TLN2: variants seen among roughly 807,000 people sequenced by gnomAD.
The protein encoded by TLN2 is talin-2.
Under a neutral mutation model 294.7 loss-of-function variants are expected in TLN2, and 118 were observed. The ratio of observed to expected loss-of-function variants is 0.40; its 90% confidence interval spans 0.34 to 0.47. The LOEUF (loss-of-function observed/expected upper bound fraction) is 0.47. Ranked by LOEUF, TLN2 falls within the 20% of genes least tolerant of loss-of-function variation. TLN2 has a pLI of 0.84. For synonymous variants in TLN2, 1,431 were observed against 1,304.5 expected (o/e 1.10, Z -2.09); for missense variants, 3,083 against 3,282.2 (o/e 0.94, Z 1.48).
At chr15:62,480,253 G>A (rs1184605130) in intron 1 of TLN2, among the ~76,000 whole-genome samples, 6 of 151,922 alleles carry the variant, frequency 3.9e-5, no homozygotes, top group East Asian at 1.9e-4. Flanking sequence ...TCACTCTGTC[G>A]CCCAGGCTGG....
Position 62,833,560 on chromosome 15 carries a change from T to A in TLN2, c.7059T>A (p.Ile2353=), listed in dbSNP as rs926462841. 1.2e-6 allele frequency: 2 copies of A among 1,614,156 alleles called. No homozygotes were observed. Among genetic ancestry groups the A allele is most frequent in the African/African-American group, 2.7e-5 (2 of 75,028 alleles). ...EEQILEAAKS[I]AAATSALVKS... is the part of the protein sequence containing the mutation. Reference sequence around the variant, plus strand: ...AGATCTTGGAAGCTGCTAAATCCATTGCTGCTGCCACAAGCGCCCTGGTCA... The same window carrying A: ...AGATCTTGGAAGCTGCTAAATCCATAGCTGCTGCCACAAGCGCCCTGGTCA... The change falls in exon 55 of 59, where the codon ATT becomes ATA. Residue 2353 remains isoleucine (I), a synonymous_variant. Coordinates refer to ENST00000636159, the MANE Select transcript of TLN2 (RefSeq NM_015059.3).
At chr15:62,545,393 AAG>A (rs1388778373) in intron 1 of TLN2, among the ~76,000 whole-genome samples, 2 of 152,190 alleles carry the variant, frequency 1.3e-5, no homozygotes, top group Non-Finnish European at 2.9e-5. Flanking sequence ...GAAAGAGGGA[AAG>A]AGAAAAAGGA....
intron 30 of TLN2, among the ~76,000 whole-genome samples, chr15:62,738,789 T>C (rs2140962627): frequency 6.6e-6 from 1 of 152,314 alleles, no homozygotes; most frequent in East Asian, 1.9e-4. Flanking sequence ...TGCACAGGTA[T>C]AGAGGCAATG....
chr15:62,641,443 C>T (rs192100146), intron 3 of TLN2, among the ~76,000 whole-genome samples: 1 of 151,806 alleles, frequency 6.6e-6, no homozygotes, highest in East Asian at 2.0e-4. Flanking sequence ...ATGGAGAAAC[C>T]CCATCTCTAC....
rs1391531273 is a variant in TLN2 at position 62,776,802 on chromosome 15, G to A, written c.5406G>A (p.Gln1802=). The stretch of plus-strand genomic sequence containing the variant: ...ATGACGCCATCACAGAGGCCGCCCA[G>A]TTGATGAAGGAAGCCGTGGATGACA... ...HTHDAITEAA[Q]LMKEAVDDIM... is the part of the protein sequence containing the mutation. The change falls in exon 43 of 59, where the codon CAG becomes CAA. Residue 1802 remains glutamine, a synonymous_variant. Coordinates refer to ENST00000636159, the MANE Select transcript of TLN2 (RefSeq NM_015059.3). The A allele has an allele frequency of 1.3e-6, 2 of 1,597,028 alleles. No individual in the cohort carries two copies. Among genetic ancestry groups the A allele is most frequent in the East Asian group, 4.6e-5 (2 of 43,518 alleles).
chr15:62,487,584 G>T (rs1278874856), intron 1 of TLN2, among the ~76,000 whole-genome samples: 1 of 152,096 alleles, frequency 6.6e-6, no homozygotes, highest in Non-Finnish European at 1.5e-5. Context: ...TATAATCCAA[G>T]CACTTTTGGT....
At chr15:62,664,201 A>G (rs923324383) in intron 9 of TLN2, among the ~76,000 whole-genome samples, 6 of 144,892 alleles carry the variant, frequency 4.1e-5, no homozygotes, top group Admixed American at 2.9e-4. Context: ...CTCCAAGATC[A>G]GATTAATATC....
In TLN2 at chr15:62,447,237, T is replaced by C. The variant is rs974830980; in HGVS notation, c.-238+56552T>C. On this transcript the variant is annotated intron_variant, in intron 1 of 58. Transcript: ENST00000636159. Reference sequence around the variant, plus strand: ...TGAATGCAACTTGGGAAGCTGGTATTAGTGCTAAGTGTGTTAGGAGTTTAA... The same window carrying C: ...TGAATGCAACTTGGGAAGCTGGTATCAGTGCTAAGTGTGTTAGGAGTTTAA... Among the ~76,000 whole-genome samples the C allele has an allele frequency of 1.1e-4, 16 of 152,256 alleles. No homozygotes were observed. The East Asian group carries it at 3.1e-3, about 29-fold the overall frequency.
chr15:62,491,351 TACACACACACACACACACACAC>T lies in TLN2; in HGVS notation c.-237-98312_-237-98291del, dbSNP rs1166046640. ...CAAAAAAAAAAAATATATATATATA[TACACACACACACACACACACAC>T]ACACACACACACACACACACACATT... On this transcript the variant is annotated intron_variant, in intron 1 of 58. Coordinates refer to ENST00000636159, the MANE Select transcript of TLN2 (RefSeq NM_015059.3). Among the ~76,000 whole-genome samples, 179 of 100,304 alleles carry T rather than the reference TACACACACACACACACACACAC, an allele frequency of 1.8e-3. 2 individuals carry two copies. Among genetic ancestry groups the T allele is most frequent in the African/African-American group, 7.2e-3 (163 of 22,736 alleles). 65.8% of individuals were successfully genotyped at this position (100,304 alleles called of 152,430 possible). A position where few individuals can be genotyped will look rare whatever the true frequency, so the allele number is the denominator to read the frequency against.
intron 5 of TLN2, 38 bp downstream of exon 5, chr15:62,650,219 T>C (rs1163824565): frequency 6.2e-7 from 1 of 1,605,138 alleles, no homozygotes; most frequent in Non-Finnish European, 8.5e-7. Context: ...TTCATCCCTT[T>C]GTCCCTGGGC....
chr15:62,772,879 G>A (rs2063438908), intron 42 of TLN2, among the ~76,000 whole-genome samples: 1 of 151,786 alleles, frequency 6.6e-6, no homozygotes, highest in Admixed American at 6.6e-5. Flanking sequence ...GTCCAGGCTG[G>A]TCTTGAACTC....
chr15:62,599,984 C>T (rs994735092), intron 2 of TLN2, among the ~76,000 whole-genome samples: 10 of 152,000 alleles, frequency 6.6e-5, no homozygotes, highest in African/African-American at 2.4e-4. Context: ...ACTGCAGTGC[C>T]GAGGGGTCTC....
intron 11 of TLN2, among the ~76,000 whole-genome samples, chr15:62,683,308 A>G (rs1298342757): frequency 6.6e-6 from 1 of 152,238 alleles, no homozygotes; most frequent in African/African-American, 2.4e-5. Flanking sequence ...GAGCCTGCAG[A>G]CAGCAGTCTT....
At chr15:62,771,734 A>T (rs970239446) in intron 42 of TLN2, among the ~76,000 whole-genome samples, 3 of 152,216 alleles carry the variant, frequency 2.0e-5, no homozygotes, top group African/African-American at 7.2e-5. Context: ...TTCTTCAGGA[A>T]TAGTGAGTGG....
At chr15:62,656,708 A>G (rs72755850) in intron 8 of TLN2, among the ~76,000 whole-genome samples, 181 of 152,020 alleles carry the variant, frequency 1.2e-3, no homozygotes, top group Non-Finnish European at 2.1e-3. Flanking sequence ...TTATCCATCT[A>G]TCTGCCCATA....
At chr15:62,405,856 A>G (rs1595734402) in intron 1 of TLN2, among the ~76,000 whole-genome samples, 9 of 152,310 alleles carry the variant, frequency 5.9e-5, no homozygotes, top group Middle Eastern at 6.8e-3. Flanking sequence ...AACCTGTCAC[A>G]TGTTTGAGTG....
At chr15:62,808,119 A>G (rs923360440) in intron 51 of TLN2, among the ~76,000 whole-genome samples, 27 of 152,146 alleles carry the variant, frequency 1.8e-4, no homozygotes, top group African/African-American at 6.5e-4. Flanking sequence ...AAAATTACAT[A>G]CTGGCTCATC....
intron 9 of TLN2, among the ~76,000 whole-genome samples, chr15:62,661,468 A>G (rs1378446404): frequency 2.0e-5 from 3 of 152,214 alleles, no homozygotes; most frequent in Non-Finnish European, 4.4e-5. Flanking sequence ...ATAGCTTTCA[A>G]GCCAGTAGGG....
In TLN2 at chr15:62,840,760, C is replaced by T; in HGVS notation, c.*150C>T. ...TGCGTGCTTGTTCTCACATCTCTGT[C>T]CCGTCGGCACTGGCTGCATGATCGT... On this transcript the variant is annotated 3_prime_UTR_variant, in exon 59 of 59. Transcript: ENST00000636159. 2.8e-6 allele frequency: 3 copies of T among 1,089,472 alleles called. No individual in the cohort carries two copies. The highest frequency in any genetic ancestry group is 2.6e-5 in the East Asian group (1 of 38,160). 67.5% of individuals were successfully genotyped at this position (1,089,472 alleles called of 1,614,324 possible).
Sources: gnomAD v4.1 joint callset for allele counts (sites outside exome capture counted in the v4.1 genomes callset) on GRCh38, gnomAD v4.1.1 for gene constraint, MANE v1.5 for transcripts, NCBI Gene and HGNC (gene_info 2026-07-23, HGNC 2026-07-21) for gene names.